Variants in SLC25A48 observed in about 807,000 individuals in gnomAD.
SLC25A48 encodes solute carrier family 25 member 48, also known as CTC-321K16.1.
Under a neutral mutation model 32.2 loss-of-function variants are expected in SLC25A48, and 29 were observed. The ratio of observed to expected loss-of-function variants is 0.90; its 90% confidence interval spans 0.67 to 1.23. The LOEUF (loss-of-function observed/expected upper bound fraction) is 1.23. SLC25A48 is among the 50% of genes most tolerant of loss of function. The pLI is 0.00. For missense variants in SLC25A48, 399 were observed against 422.7 expected, an observed-to-expected ratio of 0.94 and a Z score of 0.49; for synonymous variants, 164 against 172.3, an observed-to-expected ratio of 0.95 and a Z score of 0.38.
chr5:135,595,504 T>C (rs1487149613), intron 1 of SLC25A48, among the ~76,000 whole-genome samples: 1 of 152,182 alleles, frequency 6.6e-6, no homozygotes, highest in Non-Finnish European at 1.5e-5. Flanking sequence ...CCTTGGCAAG[T>C]TAGAAAAGCT....
chr5:135,603,222 C>G (rs1440978525), intron 1 of SLC25A48, among the ~76,000 whole-genome samples: 1 of 152,196 alleles, frequency 6.6e-6, no homozygotes. Context: ...TCATCTGGTT[C>G]CTTCTGTCCC....
At chr5:135,749,783 G>T (rs1280058478) in intron 3 of SLC25A48, among the ~76,000 whole-genome samples, 1 of 152,086 alleles carries the variant, frequency 6.6e-6, no homozygotes, top group Non-Finnish European at 1.5e-5. Context: ...GTAGAGACGG[G>T]GTTTCACTAT....
chr5:135,831,179 C>A (rs999148898), upstream of SLC25A48, among the ~76,000 whole-genome samples: 2 of 152,162 alleles, frequency 1.3e-5, no homozygotes, highest in African/African-American at 2.4e-5. Flanking sequence ...TTCTGTGATG[C>A]TCCAGGAAAG....
At position 135,777,160 on chromosome 5, in the gene SLC25A48, C is replaced by T. The variant is rs759681286; in HGVS notation, c.-520-35363C>T. 2.6e-5 allele frequency among the ~76,000 whole-genome samples: 4 copies of T among 151,664 alleles called. No homozygotes were observed. The South Asian group carries it at 6.2e-4, about 24-fold the overall frequency. On this transcript the variant is annotated intron_variant, in intron 3 of 10. Transcript: ENST00000646290. ...TCAAATATCACAGGAACTGTACACA[C>T]CCCCCGTAATATTGTTTATAATATC...
At chr5:135,769,834 C>T (rs906638466) in intron 3 of SLC25A48, among the ~76,000 whole-genome samples, 11 of 151,566 alleles carry the variant, frequency 7.3e-5, no homozygotes, top group Non-Finnish European at 1.5e-4. Context: ...TTTACACCCC[C>T]TGTGATATTG....
intron 3 of SLC25A48, among the ~76,000 whole-genome samples, chr5:135,691,052 C>A (rs151126160): frequency 2.1e-4 from 32 of 152,156 alleles, no homozygotes; most frequent in African/African-American, 5.8e-4. Context: ...CGAGTGAAAT[C>A]AATGAATTAA....
intron 1 of SLC25A48, among the ~76,000 whole-genome samples, chr5:135,836,358 CTTT>C (rs10710326): frequency 8.2e-5 from 12 of 145,612 alleles, no homozygotes; most frequent in Non-Finnish European, 1.1e-4. Context: ...AATAACATGG[CTTT>C]TTTTTTTTTT....
intron 5 of SLC25A48, chr5:135,872,064 C>A: frequency 1.7e-6 from 2 of 1,168,918 alleles, no homozygotes; most frequent in Non-Finnish European, 1.1e-6. Flanking sequence ...GCCATTAGTT[C>A]TACAAGGTAG....
chr5:135,660,756 A>AG (rs1482475417), intron 3 of SLC25A48, among the ~76,000 whole-genome samples: 1 of 86 alleles, frequency 0.012, no homozygotes, highest in Non-Finnish European at 0.029. Flanking sequence ...CGTGTCATAC[A>AG]ATTACCTGGG....
chr5:135,721,115 C>T (rs951728637), intron 3 of SLC25A48, among the ~76,000 whole-genome samples: 2 of 149,966 alleles, frequency 1.3e-5, no homozygotes, highest in Admixed American at 1.3e-4. Flanking sequence ...GATTTCAGCT[C>T]ACTGCAACCT....
At chr5:135,790,073 C>T (rs1655455188) in intron 3 of SLC25A48, among the ~76,000 whole-genome samples, 1 of 151,668 alleles carries the variant, frequency 6.6e-6, no homozygotes, top group Admixed American at 6.6e-5. Context: ...GAGTACACCA[C>T]GTGTGATATT....
chr5:135,852,835 G>A lies in SLC25A48; in HGVS notation c.421+14G>A. The stretch of plus-strand genomic sequence containing the variant: ...CGTTTCGGGACGGTAAGAGGCCAGG[G>A]GAGCGGAGGCTGGTGTCTGGGACTT... On this transcript the variant is annotated intron_variant, in intron 4 of 7. Transcript: ENST00000681962. 2 of 1,594,360 alleles carry A rather than the reference G, an allele frequency of 1.3e-6. No individual in the cohort carries two copies. The highest frequency in any genetic ancestry group is 1.7e-6 in the Non-Finnish European group (2 of 1,164,252).
At chr5:135,841,852 C>G (rs748403021) in intron 1 of SLC25A48, among the ~76,000 whole-genome samples, 1 of 152,184 alleles carries the variant, frequency 6.6e-6, no homozygotes, top group African/African-American at 2.4e-5. Flanking sequence ...CCAGAGGAAT[C>G]TTTATTGCTT....
In SLC25A48 at chr5:135,880,381, C is replaced by G. The variant is rs1762379616; in HGVS notation, c.*7+284C>G. On this transcript the variant is annotated intron_variant, in intron 7 of 7. Coordinates refer to ENST00000681962, the MANE Select transcript of SLC25A48 (RefSeq NM_001349336.2). Reference sequence around the variant, plus strand: ...TTTCCCCTTCCAGCAGCTTCAACAGCCCTTTCAGAGAAGTACTTTTACCTT... The same window carrying G: ...TTTCCCCTTCCAGCAGCTTCAACAGGCCTTTCAGAGAAGTACTTTTACCTT... 2.0e-5 allele frequency among the ~76,000 whole-genome samples: 3 copies of G among 152,016 alleles called. No individual in the cohort carries two copies. In the South Asian group the frequency reaches 6.2e-4, roughly 32 times the overall value.
At chr5:135,642,215 G>A (rs1447059377) in intron 3 of SLC25A48, among the ~76,000 whole-genome samples, 1 of 152,200 alleles carries the variant, frequency 6.6e-6, no homozygotes, top group African/African-American at 2.4e-5. Flanking sequence ...TTCTCACAGG[G>A]AAATTACCTT....
intron 3 of SLC25A48, among the ~76,000 whole-genome samples, chr5:135,699,805 C>T (rs1176025528): frequency 6.6e-6 from 1 of 152,152 alleles, no homozygotes; most frequent in Non-Finnish European, 1.5e-5. Context: ...AGAGGAGCTT[C>T]TTAGTCATGC....
chr5:135,773,056 T>C (rs1346481114), intron 3 of SLC25A48, among the ~76,000 whole-genome samples: 4 of 150,094 alleles, frequency 2.7e-5, no homozygotes, highest in African/African-American at 9.8e-5. Context: ...TAATATTGTT[T>C]GTAATATTTA....
Position 135,629,200 on chromosome 5 carries a change from C to T in SLC25A48, c.-848-37C>T, listed in dbSNP as rs1454433522. ...TGTCATCCAGTGCCAGAATCTCCACCGTTATAGCCTTTTTCTTTTTTCTTT... is the reference window on the plus strand; with the variant it reads ...TGTCATCCAGTGCCAGAATCTCCACTGTTATAGCCTTTTTCTTTTTTCTTT... On this transcript the variant is annotated intron_variant, in intron 1 of 10. Transcript: ENST00000646290. This position sits in a 1 kb window ranked among gnomAD's most constrained non-coding sequence, Gnocchi z 4.8. 1.3e-5 allele frequency: 2 copies of T among 152,190 alleles called. No individual in the cohort carries two copies. Among genetic ancestry groups the T allele is most frequent in the Non-Finnish European group, 2.9e-5 (2 of 68,038 alleles). 9.4% of individuals were successfully genotyped at this position (152,190 alleles called of 1,614,324 possible).
At chr5:135,800,690 C>A (rs984053778) in intron 3 of SLC25A48, among the ~76,000 whole-genome samples, 1 of 151,918 alleles carries the variant, frequency 6.6e-6, no homozygotes, top group Admixed American at 6.6e-5. Context: ...TGTACACCCC[C>A]CTGGGATAGG....
Sources: gnomAD v4.1 joint callset for allele counts (sites outside exome capture counted in the v4.1 genomes callset) on GRCh38, gnomAD v4.1.1 for gene constraint, Gnocchi (gnomAD v3.1) non-coding constraint, MANE v1.5 for transcripts, NCBI Gene and HGNC (gene_info 2026-07-23, HGNC 2026-07-21) for gene names.